The following ATF7IP variants were observed in gnomAD, a reference collection of about 807,000 sequenced individuals.
ATF7IP encodes the protein activating transcription factor 7-interacting protein 1.
ATF7IP carries 23 observed loss-of-function variants against 106.4 expected under a neutral mutation model. That is an observed-to-expected ratio of 0.22 (90% CI 0.16 to 0.31). The LOEUF (loss-of-function observed/expected upper bound fraction) is 0.31. Ranked by LOEUF, ATF7IP falls within the 10% of genes least tolerant of loss-of-function variation. The pLI is 1.00. For missense variants in ATF7IP, 1,334 were observed against 1,524.3 expected (o/e 0.88, Z 2.08); for synonymous variants, 542 against 539.0 (o/e 1.01, Z -0.08).
In ATF7IP at chr12:14,502,315, TTG is replaced by T. The variant is rs1945181018; in HGVS notation, c.*4244_*4245del. The T allele has an allele frequency of 6.6e-6, 1 of 152,180 alleles. No individual in the cohort carries two copies. Among genetic ancestry groups the T allele is most frequent in the South Asian group, 2.1e-4 (1 of 4,828 alleles). The allele number at this position is 152,180 out of a possible 1,614,324, so 9.4% of individuals were successfully genotyped here. On this transcript the variant is annotated 3_prime_UTR_variant, in exon 15 of 15. Transcript: ENST00000261168. ...AAAATCAGCAATTCTCATGAAGCGTTTGTTAGTGTGGCAGACTTGTCTAATTC... is the reference window on the plus strand; with the variant it reads ...AAAATCAGCAATTCTCATGAAGCGTTTTAGTGTGGCAGACTTGTCTAATTC...
At chr12:14,446,564 T>C (rs1942969587) in intron 5 of ATF7IP, among the ~76,000 whole-genome samples, 1 of 152,254 alleles carries the variant, frequency 6.6e-6, no homozygotes, top group African/African-American at 2.4e-5. Flanking sequence ...GTAAAGCCTA[T>C]ACATCCATCC....
chr12:14,418,437 A>G (rs549042790), intron 1 of ATF7IP, among the ~76,000 whole-genome samples: 77 of 152,258 alleles, frequency 5.1e-4, no homozygotes, highest in Non-Finnish European at 9.7e-4. Flanking sequence ...AAGCTTTCTG[A>G]TTTGAGTTGC....
chr12:14,497,467 G>T (rs1945046712), intron 14 of ATF7IP, among the ~76,000 whole-genome samples, 187 bp from the exon 15 acceptor site: 1 of 152,126 alleles, frequency 6.6e-6, no homozygotes, highest in Non-Finnish European at 1.5e-5. Flanking sequence ...CAGCATCATT[G>T]TTTGTAGCAT....
Position 14,365,720 on chromosome 12 carries a change from G to A in ATF7IP, c.-115G>A. 1 of 156,846 alleles carries A rather than the reference G, an allele frequency of 6.4e-6. No homozygotes were observed. The highest frequency in any genetic ancestry group is 2.4e-5 in the African/African-American group (1 of 41,606). The allele number at this position is 156,846 out of a possible 1,614,324, so 9.7% of individuals were successfully genotyped here. ...CGGCGGCGGTGGCAGCGGCGGCGCG[G>A]CGACTGAAGCGCGCGAAAAGCTGAG... On this transcript the variant is annotated 5_prime_UTR_variant, in exon 1 of 15. Transcript: ENST00000261168.
intron 1 of ATF7IP, among the ~76,000 whole-genome samples, chr12:14,409,383 CT>C (rs1940783820): frequency 6.6e-6 from 1 of 151,956 alleles, no homozygotes; most frequent in African/African-American, 2.4e-5. Flanking sequence ...CATATAAGGC[CT>C]TTTGGTTATA....
chr12:14,492,061 C>T (rs907141379), intron 13 of ATF7IP, among the ~76,000 whole-genome samples: 2 of 152,190 alleles, frequency 1.3e-5, no homozygotes, highest in Non-Finnish European at 2.9e-5. Flanking sequence ...ACCATAGTAG[C>T]CCTCACCTTA....
At chr12:14,459,118 G>T (rs1429229461) in intron 8 of ATF7IP, among the ~76,000 whole-genome samples, 1 of 152,008 alleles carries the variant, frequency 6.6e-6, no homozygotes, top group African/African-American at 2.4e-5. Flanking sequence ...AAATACAGTT[G>T]GGCTTTTTTC....
chr12:14,461,116 A>G lies in ATF7IP; in HGVS notation c.2780A>G (p.Asn927Ser), dbSNP rs764738960. The G allele has an allele frequency of 2.5e-6, 4 of 1,611,890 alleles. No homozygotes were observed. Among genetic ancestry groups the G allele is most frequent in the South Asian group, 1.1e-5 (1 of 91,012 alleles). The change falls in exon 9 of 15, where the codon AAT becomes AGT. Residue 927 changes from asparagine (N) to serine (S), a missense_variant. Asn to Ser is a conservative substitution (Grantham distance 46, BLOSUM62 1). Coordinates refer to ENST00000261168, the MANE Select transcript of ATF7IP (RefSeq NM_018179.5). ...TCGTCTGCTGCAGAACAGAACAGCA[A>G]TACCACCCCAAGAATTGGTAAGTCA... Reference protein sequence around the residue: ...STSSAAEQNSNTTPRIENQTN... With the variant: ...STSSAAEQNSSTTPRIENQTN...
intron 1 of ATF7IP, chr12:14,367,447 G>A (rs927520948): frequency 6.6e-6 from 1 of 152,080 alleles, no homozygotes; most frequent in African/African-American, 2.4e-5. Flanking sequence ...TATTTAGAGA[G>A]CAGTTGTGTA....
At position 14,475,986 on chromosome 12, in the gene ATF7IP, G is replaced by A; in HGVS notation, c.2941+18G>A. 1 of 1,595,652 alleles carries A rather than the reference G, an allele frequency of 6.3e-7. No homozygotes were observed. The highest frequency in any genetic ancestry group is 8.6e-7 in the Non-Finnish European group (1 of 1,163,352). On this transcript the variant is annotated intron_variant, in intron 11 of 14. Coordinates refer to ENST00000261168, the MANE Select transcript of ATF7IP (RefSeq NM_018179.5). ...TTCACAAGGTACTTCAATAGTAATT[G>A]TACTAAGCAACGTTTTGATACCATT...
At chr12:14,447,651 T>TA (rs1445489082) in intron 6 of ATF7IP, among the ~76,000 whole-genome samples, 4 of 152,224 alleles carry the variant, frequency 2.6e-5, no homozygotes, top group African/African-American at 9.6e-5. Flanking sequence ...GGATTTGTCT[T>TA]ACCTTGTTTC....
At chr12:14,449,025 G>T (rs1943093445) in intron 6 of ATF7IP, among the ~76,000 whole-genome samples, 1 of 151,996 alleles carries the variant, frequency 6.6e-6, no homozygotes, top group African/African-American at 2.4e-5. Flanking sequence ...TTACTAAGTT[G>T]TAGGCATTCC....
chr12:14,473,254 C>A (rs1049772114), intron 10 of ATF7IP, among the ~76,000 whole-genome samples: 2 of 132,794 alleles, frequency 1.5e-5, no homozygotes, highest in South Asian at 2.5e-4. Context: ...TGTCTTAATT[C>A]CTCTGTTAGC....
At chr12:14,422,717 A>C (rs537170590) in intron 1 of ATF7IP, among the ~76,000 whole-genome samples, 1 of 152,294 alleles carries the variant, frequency 6.6e-6, no homozygotes, top group Admixed American at 6.5e-5. Flanking sequence ...ATGTAGTAGC[A>C]TGTTCAGTAC....
Position 14,478,335 on chromosome 12 carries a change from A to G in ATF7IP, c.2960A>G (p.His987Arg). 1 of 1,613,864 alleles carries G rather than the reference A, an allele frequency of 6.2e-7. No homozygotes were observed. The highest frequency in any genetic ancestry group is 8.5e-7 in the Non-Finnish European group (1 of 1,179,810). ...CTAACAGACCCCAAAAAACTAAATC[A>G]CACTCCTGTATCAACCATGAGTTCT... Reference protein sequence around the residue: ...GASQDPKKLNHTPVSTMSSSQ... With the variant: ...GASQDPKKLNRTPVSTMSSSQ... The change falls in exon 12 of 15, where the codon CAC becomes CGC. Residue 987 changes from histidine to arginine, a missense_variant. By Grantham distance (29) the His-to-Arg change is conservative. This residue lies in a region of ATF7IP where 370 missense variants were observed against 401.2 expected (regional missense o/e 0.92). Transcript: ENST00000261168.
intron 10 of ATF7IP, among the ~76,000 whole-genome samples, chr12:14,467,531 A>G (rs761021249): frequency 6.6e-6 from 1 of 152,200 alleles, no homozygotes; most frequent in Non-Finnish European, 1.5e-5. Flanking sequence ...TATGTTTTCA[A>G]TTAAAATTAT....
At position 14,500,714 on chromosome 12, in the gene ATF7IP, T is replaced by G. The variant is rs1945136916; in HGVS notation, c.*2641T>G. On this transcript the variant is annotated 3_prime_UTR_variant, in exon 15 of 15. Transcript: ENST00000261168. ...GGTTCTCTTGATGAACATTTTTATT[T>G]ATATTTACTAATCTTTTTTAAAAAA... 6.6e-6 allele frequency: 1 copy of G among 152,194 alleles called. No individual in the cohort carries two copies. The highest frequency in any genetic ancestry group is 1.9e-4 in the East Asian group (1 of 5,198). The allele number at this position is 152,194 out of a possible 1,614,324, so 9.4% of individuals were successfully genotyped here.
chr12:14,452,409 T>C (rs1943240336), intron 6 of ATF7IP, among the ~76,000 whole-genome samples: 1 of 152,198 alleles, frequency 6.6e-6, no homozygotes, highest in Admixed American at 6.5e-5. Context: ...TGTAGCTTTT[T>C]TTTGTTTCTT....
In ATF7IP at chr12:14,373,286, CTGT is replaced by C. The variant is rs1304782819; in HGVS notation, c.-8+7464_-8+7466del. 1.2e-4 allele frequency among the ~76,000 whole-genome samples: 17 copies of C among 142,256 alleles called. No individual in the cohort carries two copies. The East Asian group carries it at 2.9e-3, about 24-fold the overall frequency. The allele number at this position is 142,256 out of a possible 152,430, so 93.3% of individuals were successfully genotyped here. The stretch of plus-strand genomic sequence containing the variant: ...TGCCACAGTATAGGAGACTCCATTC[CTGT>C]TGTTTAAAGATGACACATGTTTTTT... On this transcript the variant is annotated intron_variant, in intron 1 of 14. Transcript: ENST00000261168.
Sources: gnomAD v4.1 joint callset for allele counts (sites outside exome capture counted in the v4.1 genomes callset) on GRCh38, gnomAD v4.1.1 for gene constraint, gnomAD v4.1.1 regional missense constraint, MANE v1.5 for transcripts, NCBI Gene and HGNC (gene_info 2026-07-23, HGNC 2026-07-21) for gene names.